The following MEIKIN variants were observed in gnomAD, a reference collection of about 807,000 sequenced individuals.
MEIKIN encodes meiosis-specific kinetochore protein.
chr5:131,850,903 G>A (rs1750104525), intron 11 of MEIKIN, among the ~76,000 whole-genome samples: 1 of 151,832 alleles, frequency 6.6e-6, no homozygotes, highest in Admixed American at 6.6e-5. Context: ...AGCCTTGACT[G>A]CACCCTGGCA....
At chr5:131,915,802 T>TA (rs926436336) in intron 7 of MEIKIN, among the ~76,000 whole-genome samples, 158 of 148,226 alleles carry the variant, frequency 1.1e-3, no homozygotes, top group Middle Eastern at 3.5e-3. Flanking sequence ...ATGAGTTATT[T>TA]AAAAAAAAAA....
intron 8 of MEIKIN, among the ~76,000 whole-genome samples, chr5:131,897,536 AT>A (rs1751073952): frequency 6.6e-6 from 1 of 152,080 alleles, no homozygotes; most frequent in South Asian, 2.1e-4. Flanking sequence ...TCAAACGTAG[AT>A]TTGGTCTTTT....
intron 11 of MEIKIN, among the ~76,000 whole-genome samples, chr5:131,829,771 G>A (rs994928588): frequency 1.3e-5 from 2 of 152,276 alleles, no homozygotes; most frequent in East Asian, 3.9e-4. Context: ...GTCATGTGAA[G>A]ATGGGAAGTA....
At position 131,921,954 on chromosome 5, in the gene MEIKIN, A is replaced by G. The variant is rs1751512589; in HGVS notation, c.479-13T>C. On this transcript the variant is annotated splice_polypyrimidine_tract_variant and intron_variant, in intron 5 of 12. Transcript: ENST00000442687. ...GGACACTCCCAGTCTAAAACAGCAG[A>G]GAAGAAATAGTGTAAGACTTTGAAC... The G allele has an allele frequency of 2.5e-6, 1 of 398,740 alleles. No individual in the cohort carries two copies. The highest frequency in any genetic ancestry group is 4.4e-5 in the Admixed American group (1 of 22,710). The allele number at this position is 398,740 out of a possible 1,614,324, so 24.7% of individuals were successfully genotyped here.
rs1240637722 is a variant in MEIKIN, at chr5:131,892,275, T to TG, written c.704-13228dup. Among the ~76,000 whole-genome samples the TG allele has an allele frequency of 3.3e-5, 5 of 152,354 alleles. No homozygotes were observed. In the East Asian group the frequency reaches 9.6e-4, roughly 29 times the overall value. On this transcript the variant is annotated intron_variant, in intron 8 of 12. Coordinates refer to ENST00000442687, the MANE Select transcript of MEIKIN (RefSeq NM_001303622.2). ...TGAATGTTGACCTGCCTTGCTAGAT[T>TG]GGGGAAGTTCTCCTGAATAGTATCC... is the stretch of plus-strand genomic sequence containing the variant.
At chr5:131,943,975 T>C (rs1287251052) in intron 3 of MEIKIN, among the ~76,000 whole-genome samples, 4 of 151,968 alleles carry the variant, frequency 2.6e-5, no homozygotes, top group African/African-American at 9.7e-5. Context: ...TGGGTGGTGG[T>C]ATACACCTGT....
chr5:131,880,470 G>C (rs1750686531), intron 8 of MEIKIN, among the ~76,000 whole-genome samples: 2 of 151,430 alleles, frequency 1.3e-5, no homozygotes, highest in Admixed American at 6.6e-5. Flanking sequence ...TCAAACTCCT[G>C]ACCTCAAGTG....
At chr5:131,892,943 C>G (rs186250900) in intron 8 of MEIKIN, among the ~76,000 whole-genome samples, 1,987 of 152,272 alleles carry the variant, frequency 0.013, 25 homozygotes, top group Non-Finnish European at 0.02. Context: ...AGTCAGGACC[C>G]TCAGCTGCAG....
chr5:131,924,097 C>A (rs1391247006), intron 5 of MEIKIN, among the ~76,000 whole-genome samples: 1 of 152,030 alleles, frequency 6.6e-6, no homozygotes. Flanking sequence ...CCCTCTGTGA[C>A]TGGCTTATTT....
At chr5:131,911,671 T>G (rs1394315112) in intron 8 of MEIKIN, 144 bp downstream of exon 8, 1 of 377,744 alleles carries the variant, frequency 2.6e-6, no homozygotes, top group Non-Finnish European at 4.7e-6. Context: ...ATTTCTTAAA[T>G]ACAACCAAGC....
At chr5:131,867,474 T>C (rs1377857060) in intron 9 of MEIKIN, among the ~76,000 whole-genome samples, 2 of 152,232 alleles carry the variant, frequency 1.3e-5, no homozygotes, top group Admixed American at 6.5e-5. Context: ...CCCACCATTC[T>C]AATATCATAC....
intron 5 of MEIKIN, among the ~76,000 whole-genome samples, chr5:131,926,616 C>T (rs1234123117): frequency 6.6e-6 from 1 of 152,090 alleles, no homozygotes; most frequent in African/African-American, 2.4e-5. Context: ...GAATTAAATA[C>T]TCTTTAAATG....
chr5:131,853,163 T>G (rs1169159907), intron 10 of MEIKIN, among the ~76,000 whole-genome samples: 3 of 152,180 alleles, frequency 2.0e-5, no homozygotes, highest in Non-Finnish European at 2.9e-5. Context: ...GAAAATTGTA[T>G]CTATAGGAGG....
At chr5:131,871,213 C>T (rs536516419) in intron 9 of MEIKIN, among the ~76,000 whole-genome samples, 14 of 152,296 alleles carry the variant, frequency 9.2e-5, no homozygotes, top group Admixed American at 4.6e-4. Flanking sequence ...TCACCTCACC[C>T]GGGAAGCACA....
Position 131,854,809 on chromosome 5 carries a change from T to C in MEIKIN, c.800A>G (p.Lys267Arg). 2.5e-6 allele frequency: 1 copy of C among 397,908 alleles called. No homozygotes were observed. Among genetic ancestry groups the C allele is most frequent in the Non-Finnish European group, 4.4e-6 (1 of 225,562 alleles). The allele number at this position is 397,908 out of a possible 1,614,324, so 24.6% of individuals were successfully genotyped here. A position where few individuals can be genotyped will look rare whatever the true frequency, so the allele number is the denominator to read the frequency against. ...ACTTGTTAAAAGGCCTCTGTTTTTC[T>C]TACCAGGAGTACTGGAATTTGTTTT... ...KKKTNSSTPG[K>R]KNRGLLTSTP... is the part of the protein sequence containing the mutation. The change falls in exon 10 of 13, where the codon AAG (lysine) becomes AGG (arginine). Residue 267 changes from lysine to arginine, a missense_variant. Transcript: ENST00000442687.
chr5:131,938,261 G>A (rs184014598), intron 4 of MEIKIN, among the ~76,000 whole-genome samples: 123 of 147,844 alleles, frequency 8.3e-4, no homozygotes, highest in African/African-American at 3.0e-3. Flanking sequence ...CCACCTCCCA[G>A]GTTCAAGCAA....
rs115735117 is a variant in MEIKIN at position 131,821,133 on chromosome 5, C to T, written c.976-2270G>A. Reference sequence around the variant, plus strand: ...TTTTTCCTCTTTTCTGATGTAGGCACTTACAGATCTAAATTTCCATTAGTA... The same window carrying T: ...TTTTTCCTCTTTTCTGATGTAGGCATTTACAGATCTAAATTTCCATTAGTA... On this transcript the variant is annotated intron_variant, in intron 11 of 12. Coordinates refer to ENST00000442687, the MANE Select transcript of MEIKIN (RefSeq NM_001303622.2). 4.7e-3 allele frequency among the ~76,000 whole-genome samples: 710 copies of T among 152,246 alleles called. 8 individuals are homozygous for T. Among genetic ancestry groups the T allele is most frequent in the African/African-American group, 0.016 (674 of 41,560 alleles).
At chr5:131,828,705 T>C (rs535183979) in intron 11 of MEIKIN, among the ~76,000 whole-genome samples, 6 of 152,312 alleles carry the variant, frequency 3.9e-5, no homozygotes, top group South Asian at 2.1e-4. Flanking sequence ...TACCACATTA[T>C]ATAGAAAAAG....
chr5:131,868,215 G>A (rs1750424294), intron 9 of MEIKIN, among the ~76,000 whole-genome samples: 1 of 152,058 alleles, frequency 6.6e-6, no homozygotes, highest in South Asian at 2.1e-4. Flanking sequence ...TTCACTTCCA[G>A]AGTAGTTATG....
Sources: gnomAD v4.1 joint callset for allele counts (sites outside exome capture counted in the v4.1 genomes callset) on GRCh38, gnomAD v4.1.1 for gene constraint, MANE v1.5 for transcripts, NCBI Gene and HGNC (gene_info 2026-07-23, HGNC 2026-07-21) for gene names.